PEF1: variants seen among roughly 807,000 people sequenced by gnomAD.
PEF1 encodes the protein penta-EF-hand domain containing 1, also known as peflin.
Under a neutral mutation model 32.0 loss-of-function variants are expected in PEF1, and 17 were observed. The observed-to-expected ratio is 0.53, with a 90% CI of 0.36 to 0.80. The LOEUF (loss-of-function observed/expected upper bound fraction) is 0.80. Among genes scored for constraint, PEF1 ranks in the 30% least tolerant of loss-of-function variants. The pLI is 0.00. For synonymous variants in PEF1, 130 were observed against 139.8 expected, an observed-to-expected ratio of 0.93 and a Z score of 0.50; for missense variants, 362 against 369.1, an observed-to-expected ratio of 0.98 and a Z score of 0.16.
chr1:31,642,181 C>T (rs748387702), intron 1 of PEF1, among the ~76,000 whole-genome samples: 4 of 152,162 alleles, frequency 2.6e-5, no homozygotes, highest in African/African-American at 9.7e-5. Context: ...TGCAGTGAGC[C>T]AAGATTGTGC....
At chr1:31,644,684 C>A (rs1640504878) in intron 1 of PEF1, 157 bp downstream of exon 1, 32 of 1,482,422 alleles carry the variant, frequency 2.2e-5, no homozygotes, top group Non-Finnish European at 2.9e-5. Flanking sequence ...CAGGGCGCGA[C>A]CGACGGTCCC....
chr1:31,633,305 G>A lies in PEF1; in HGVS notation c.335C>T (p.Pro112Leu). 1.2e-6 allele frequency: 2 copies of A among 1,612,000 alleles called. No homozygotes were observed. ...QPGLYGQGGAPPNVDPEAYSW... is the reference protein window; with the variant it reads ...QPGLYGQGGALPNVDPEAYSW... ...GTAGGCCTCAGGATCCACATTGGGA[G>A]GGGCGCCACCTGGAGGAAGGGGTGT... The change falls in exon 3 of 5, where the codon CCT becomes CTT. Residue 112 changes from proline (P) to leucine (L), a missense_variant. Pro to Leu is a moderately conservative substitution (Grantham distance 98). Transcript: ENST00000373703.
chr1:31,637,174 A>G (rs375802947), intron 1 of PEF1, among the ~76,000 whole-genome samples: 1 of 131,146 alleles, frequency 7.6e-6, no homozygotes, highest in Non-Finnish European at 1.7e-5. Flanking sequence ...CCTGTCACCC[A>G]CTCAGCAATC....
chr1:31,632,605 T>C lies in PEF1; in HGVS notation c.515A>G (p.Asp172Gly), dbSNP rs773134257. ...CCACAGGGCTGAGAAGCCGTAGACATCGATGCGGCCTGACTTGGTCTTGTC... is the reference window on the plus strand; with the variant it reads ...CCACAGGGCTGAGAAGCCGTAGACACCGATGCGGCCTGACTTGGTCTTGTC... ...MFDKTKSGRI[D>G]VYGFSALWKF... Residue 172 changes from aspartate (D) to glycine (G), a missense_variant, in exon 4 of 5, where the codon GAT becomes GGT. Transcript: ENST00000373703. 1 of 1,614,096 alleles carries C rather than the reference T, an allele frequency of 6.2e-7. No homozygotes were observed. Among genetic ancestry groups the C allele is most frequent in the South Asian group, 1.1e-5 (1 of 91,072 alleles).
intron 1 of PEF1, among the ~76,000 whole-genome samples, chr1:31,636,929 C>T (rs76838206): frequency 2.6e-5 from 4 of 152,204 alleles, no homozygotes; most frequent in African/African-American, 9.7e-5. Context: ...CAGCAGAGCA[C>T]AGCCCCAACA....
At chr1:31,637,454 G>A (rs541028957) in intron 1 of PEF1, among the ~76,000 whole-genome samples, 2 of 152,068 alleles carry the variant, frequency 1.3e-5, no homozygotes, top group African/African-American at 4.8e-5. Context: ...TAACCAACCT[G>A]GGCAACATAG....
At chr1:31,638,472 G>C (rs1475285055) in intron 1 of PEF1, among the ~76,000 whole-genome samples, 1 of 152,230 alleles carries the variant, frequency 6.6e-6, no homozygotes, top group South Asian at 2.1e-4. Context: ...GAACAGGCCA[G>C]ACACGAAGCC....
Position 31,631,231 on chromosome 1 carries a change from G to A in PEF1, c.626-389C>T, listed in dbSNP as rs549845449. 2.0e-5 allele frequency among the ~76,000 whole-genome samples: 3 copies of A among 152,314 alleles called. No individual in the cohort carries two copies. In the East Asian group the frequency reaches 5.8e-4, roughly 29 times the overall value. The stretch of plus-strand genomic sequence containing the variant: ...AGAGGCAGTACAGCAGAGGTATGAG[G>A]ACCTGCTCTGGAGTCAGCCACTGGG... On this transcript the variant is annotated intron_variant, in intron 4 of 4. Transcript: ENST00000373703.
In PEF1 at chr1:31,630,634, C is replaced by A. The variant is rs763606589; in HGVS notation, c.834G>T (p.Met278Ile). 1.9e-5 allele frequency: 30 copies of A among 1,612,426 alleles called. No homozygotes were observed. Among genetic ancestry groups the A allele is most frequent in the Non-Finnish European group, 2.5e-5 (29 of 1,180,038 alleles). Residue 278 changes from methionine (M) to isoleucine (I), a missense_variant, in exon 5 of 5, where the codon ATG becomes ATT. Transcript: ENST00000373703. ...IRLSFEDFVTMTASRML is the reference protein window; with the variant it reads ...IRLSFEDFVTITASRML The stretch of plus-strand genomic sequence containing the variant: ...TGGGTCATAGCATCCGAGAAGCTGT[C>A]ATGGTGACGAAGTCCTCGAAGCTGA...
At chr1:31,632,346 G>A (rs991538034) in intron 4 of PEF1, 149 bp downstream of exon 4, 18 of 1,353,630 alleles carry the variant, frequency 1.3e-5, no homozygotes, top group Admixed American at 3.5e-5. Context: ...TCAAAGAAGG[G>A]GTGAGGGATG....
At chr1:31,632,739 T>C in intron 3 of PEF1, 101 bp from the exon 4 acceptor site, 1 of 1,395,694 alleles carries the variant, frequency 7.2e-7, no homozygotes, top group Admixed American at 2.3e-5. Flanking sequence ...CAGGCTGGAG[T>C]AGGCGACTTC....
At chr1:31,632,290 C>A in intron 4 of PEF1, 1 of 858,376 alleles carries the variant, frequency 1.2e-6, no homozygotes, top group Non-Finnish European at 1.9e-6. Flanking sequence ...GATTCTGGAC[C>A]CAGGTGTTTC....
At chr1:31,635,980 T>C (rs1208081786) in intron 1 of PEF1, among the ~76,000 whole-genome samples, 1 of 152,186 alleles carries the variant, frequency 6.6e-6, no homozygotes, top group Non-Finnish European at 1.5e-5. Context: ...CACACACCCC[T>C]GACCCTCATC....
rs1182964415 is a variant in PEF1 at position 31,630,641 on chromosome 1, A to G, written c.827T>C (p.Val276Ala). Reference protein sequence around the residue: ...GNIRLSFEDFVTMTASRML With the variant: ...GNIRLSFEDFATMTASRML ...TAGCATCCGAGAAGCTGTCATGGTG[A>G]CGAAGTCCTCGAAGCTGAGCCGAAT... Residue 276 changes from valine to alanine, a missense_variant, in exon 5 of 5, where the codon GTC becomes GCC. By Grantham distance (64) the Val-to-Ala change is moderately conservative. Coordinates refer to ENST00000373703, the MANE Select transcript of PEF1 (RefSeq NM_012392.4). 1 of 1,612,618 alleles carries G rather than the reference A, an allele frequency of 6.2e-7. No individual in the cohort carries two copies. Among genetic ancestry groups the G allele is most frequent in the Non-Finnish European group, 8.5e-7 (1 of 1,180,032 alleles).
At chr1:31,635,651 G>T in intron 1 of PEF1, 129 bp from the exon 2 acceptor site, 1 of 988,948 alleles carries the variant, frequency 1.0e-6, no homozygotes, top group East Asian at 3.0e-5. Flanking sequence ...TTGGAATTAT[G>T]ATCTCACTGC....
At chr1:31,644,713 G>A in intron 1 of PEF1, 128 bp downstream of exon 1, 1 of 1,552,318 alleles carries the variant, frequency 6.4e-7, no homozygotes, top group Non-Finnish European at 8.7e-7. Flanking sequence ...TCTCTACAGC[G>A]CAAGGCCTCG....
intron 2 of PEF1, chr1:31,634,880 G>A: frequency 4.1e-6 from 2 of 491,794 alleles, no homozygotes; most frequent in Non-Finnish European, 8.0e-6. Flanking sequence ...TAGCTCTCCT[G>A]CTCCTTCTCT....
intron 1 of PEF1, among the ~76,000 whole-genome samples, chr1:31,639,773 G>C (rs947354513): frequency 1.1e-4 from 16 of 152,190 alleles, no homozygotes; most frequent in Admixed American, 6.5e-5. Flanking sequence ...GAGGAGTGAG[G>C]AAAGTGTTCA....
intron 2 of PEF1, among the ~76,000 whole-genome samples, chr1:31,633,970 A>T (rs891013546): frequency 9.2e-5 from 14 of 151,574 alleles, no homozygotes; most frequent in African/African-American, 3.4e-4. Context: ...AAAAAAAAAC[A>T]AAAAAACCCA....
Sources: gnomAD v4.1 joint callset for allele counts (sites outside exome capture counted in the v4.1 genomes callset) on GRCh38, gnomAD v4.1.1 for gene constraint, MANE v1.5 for transcripts, NCBI Gene and HGNC (gene_info 2026-07-23, HGNC 2026-07-21) for gene names.